Variants in USP13 observed in about 807,000 individuals in gnomAD.
USP13 encodes ubiquitin carboxyl-terminal hydrolase 13.
USP13 carries 68 observed loss-of-function variants against 107.8 expected under a neutral mutation model. That is an observed-to-expected ratio of 0.63 (90% CI 0.52 to 0.77). USP13 has a LOEUF of 0.77. Among genes scored for constraint, USP13 ranks in the 30% least tolerant of loss-of-function variants. The probability of loss-of-function intolerance (pLI) is 0.00; values close to 1 mark genes in which losing one functional copy is unlikely to be tolerated. For missense variants in USP13, 945 were observed against 1,093.3 expected (o/e 0.86, Z 1.91); for synonymous variants, 377 against 389.5 (o/e 0.97, Z 0.38).
chr3:179,775,379 T>C (rs1365377231), intron 19 of USP13, among the ~76,000 whole-genome samples: 1 of 152,326 alleles, frequency 6.6e-6, no homozygotes, highest in South Asian at 2.1e-4. Context: ...GAGTGCTGAT[T>C]GGTGCATATA....
intron 19 of USP13, among the ~76,000 whole-genome samples, chr3:179,774,124 G>A (rs890745004): frequency 4.6e-5 from 7 of 152,178 alleles, no homozygotes; most frequent in Non-Finnish European, 4.4e-5. Flanking sequence ...AGGAGCAAGC[G>A]TGTCACGTGG....
At chr3:179,706,018 C>T (rs549145769) in intron 4 of USP13, among the ~76,000 whole-genome samples, 14 of 152,282 alleles carry the variant, frequency 9.2e-5, no homozygotes, top group African/African-American at 1.4e-4. Context: ...CCACCATGCC[C>T]GGCCCCATTT....
In USP13 at chr3:179,681,993, A is replaced by T. The variant is rs1200897287; in HGVS notation, c.284A>T (p.His95Leu). 2 of 1,613,022 alleles carry T rather than the reference A, an allele frequency of 1.2e-6. No individual in the cohort carries two copies. The highest frequency in any genetic ancestry group is 2.7e-5 in the African/African-American group (2 of 74,900). Residue 95 changes from histidine (H) to leucine (L), a missense_variant, in exon 2 of 21, where the codon CAT (histidine) becomes CTT (leucine). Physicochemically the swap from His to Leu is moderately conservative, Grantham distance 99 (BLOSUM62 -3). Transcript: ENST00000263966. ...AGTGTATACATGCACCTGAAAAGAC[A>T]TGTGCGAGAGGTGAGAGCGGCACTT... ...GQSVYMHLKR[H>L]VREKVRGASG... is the part of the protein sequence containing the mutation.
At chr3:179,726,681 GCT>G (rs1713525656) in intron 8 of USP13, among the ~76,000 whole-genome samples, 1 of 61,816 alleles carries the variant, frequency 1.6e-5, no homozygotes, top group Non-Finnish European at 3.1e-5. Context: ...TCCCTGGTAG[GCT>G]TTTTTTTTTT....
At chr3:179,669,370 G>C (rs1444199505) in intron 1 of USP13, among the ~76,000 whole-genome samples, 3 of 151,904 alleles carry the variant, frequency 2.0e-5, no homozygotes, top group Admixed American at 6.6e-5. Context: ...TGAGGCACGA[G>C]AATCTCTTGA....
intron 1 of USP13, among the ~76,000 whole-genome samples, chr3:179,674,152 C>G (rs1334208614): frequency 6.6e-6 from 1 of 152,120 alleles, no homozygotes; most frequent in Non-Finnish European, 1.5e-5. Context: ...CTCAGCCTCC[C>G]AAAGTGTTGG....
intron 16 of USP13, among the ~76,000 whole-genome samples, chr3:179,758,179 G>A (rs9872192): frequency 0.046 from 6,926 of 152,016 alleles, 540 homozygotes; most frequent in African/African-American, 0.16. Flanking sequence ...TTTGGAGACC[G>A]AAGACCTGGG....
rs762228129 is a variant in USP13, at chr3:179,719,940, A to G, written c.806A>G (p.Asp269Gly). The part of the protein sequence containing the change: ...KLGTITPDGA[D>G]VYSFQEEEPV... Reference sequence around the variant, plus strand: ...TGCTTATTTTCTCTTCATCCGCTAGATGTTTATTCTTTTCAAGAAGAAGAA... The same window carrying G: ...TGCTTATTTTCTCTTCATCCGCTAGGTGTTTATTCTTTTCAAGAAGAAGAA... Residue 269 changes from aspartate to glycine, a missense_variant and splice_region_variant, in exon 7 of 21, where the codon GAT becomes GGT. Transcript: ENST00000263966. 6.2e-7 allele frequency: 1 copy of G among 1,612,962 alleles called. No homozygotes were observed. The highest frequency in any genetic ancestry group is 8.5e-7 in the Non-Finnish European group (1 of 1,179,328).
intron 12 of USP13, 126 bp from the exon 13 acceptor site, chr3:179,744,917 A>T: frequency 8.5e-7 from 1 of 1,178,174 alleles, no homozygotes; most frequent in Non-Finnish European, 1.2e-6. Context: ...TGGCTCTGTA[A>T]AGGGCGACAA....
intron 2 of USP13, among the ~76,000 whole-genome samples, chr3:179,683,421 C>T (rs1007300676): frequency 1.1e-4 from 17 of 152,100 alleles, no homozygotes; most frequent in African/African-American, 4.1e-4. Flanking sequence ...CTGATAAAGA[C>T]ATACTTAAGA....
At chr3:179,733,803 CT>C (rs1177591389) in intron 10 of USP13, among the ~76,000 whole-genome samples, 5 of 152,228 alleles carry the variant, frequency 3.3e-5, no homozygotes, top group Non-Finnish European at 5.9e-5. Flanking sequence ...AAGGGCCAGG[CT>C]CTTCCTCTAT....
At chr3:179,740,104 G>T in intron 10 of USP13, 143 bp from the exon 11 acceptor site, 1 of 1,162,768 alleles carries the variant, frequency 8.6e-7, no homozygotes, top group Non-Finnish European at 1.2e-6. Flanking sequence ...AGCGAGTATT[G>T]GCCACTATCA....
At chr3:179,656,175 A>C (rs1450264079) in intron 1 of USP13, among the ~76,000 whole-genome samples, 2 of 152,260 alleles carry the variant, frequency 1.3e-5, no homozygotes, top group Non-Finnish European at 2.9e-5. Context: ...CAACGTGTGA[A>C]TATTTCCCAC....
At chr3:179,688,169 A>C (rs959604092) in intron 2 of USP13, among the ~76,000 whole-genome samples, 13 of 66,960 alleles carry the variant, frequency 1.9e-4, no homozygotes, top group East Asian at 4.5e-4. Context: ...ATCCATCCGT[A>C]TATCCATCCA....
At chr3:179,699,485 G>A (rs967040724) in intron 3 of USP13, among the ~76,000 whole-genome samples, 5 of 152,038 alleles carry the variant, frequency 3.3e-5, no homozygotes, top group Non-Finnish European at 7.4e-5. Flanking sequence ...GCTGAGGTGG[G>A]GGGATTGCTT....
chr3:179,655,234 C>T (rs940007996), intron 1 of USP13, among the ~76,000 whole-genome samples: 3 of 152,180 alleles, frequency 2.0e-5, no homozygotes, highest in African/African-American at 4.8e-5. Context: ...GTTCTGCTTA[C>T]AAACTTTGCT....
At chr3:179,743,402 A>AG (rs1314626721) in intron 12 of USP13, among the ~76,000 whole-genome samples, 1 of 151,724 alleles carries the variant, frequency 6.6e-6, no homozygotes, top group African/African-American at 2.4e-5. Context: ...TTGAGAATAA[A>AG]GAAAAAAAAA....
chr3:179,761,761 A>G (rs1381802788), intron 17 of USP13, among the ~76,000 whole-genome samples: 3 of 152,196 alleles, frequency 2.0e-5, no homozygotes, highest in Non-Finnish European at 2.9e-5. Flanking sequence ...AAAAAACCCC[A>G]AACAGCTTTA....
At chr3:179,715,782 TG>T (rs1226342655) in intron 6 of USP13, among the ~76,000 whole-genome samples, 1 of 152,092 alleles carries the variant, frequency 6.6e-6, no homozygotes, top group Non-Finnish European at 1.5e-5. Flanking sequence ...GCAGTTTGGG[TG>T]GACAGATCTG....
Sources: gnomAD v4.1 joint callset for allele counts (sites outside exome capture counted in the v4.1 genomes callset) on GRCh38, gnomAD v4.1.1 for gene constraint, MANE v1.5 for transcripts, NCBI Gene and HGNC (gene_info 2026-07-23, HGNC 2026-07-21) for gene names.